BCAP29: variants seen among roughly 807,000 people sequenced by gnomAD.
BCAP29 encodes B-cell receptor-associated protein 29.
BCAP29 carries 34 observed loss-of-function variants against 31.8 expected under a neutral mutation model. That is an observed-to-expected ratio of 1.07 (90% CI 0.81 to 1.42). BCAP29 has a LOEUF of 1.42. Ranked by LOEUF, BCAP29 falls within the 40% of genes most tolerant of loss-of-function variation. The pLI is 0.00. For synonymous variants in BCAP29, 104 were observed against 91.3 expected (o/e 1.14, Z -0.79); for missense variants, 314 against 269.2 (o/e 1.17, Z -1.16).
Position 107,580,786 on chromosome 7 carries a change from G to A in BCAP29, c.14G>A (p.Trp5Ter). The A allele has an allele frequency of 6.3e-7, 1 of 1,598,598 alleles. No homozygotes were observed. Among genetic ancestry groups the A allele is most frequent in the East Asian group, 2.3e-5 (1 of 43,308 alleles). The change falls in exon 2 of 8, where the codon TGG (tryptophan) becomes TAG (stop). Residue 5 changes from tryptophan (W) to a stop codon, truncating the protein, a stop_gained. Coordinates refer to ENST00000005259, the MANE Select transcript of BCAP29 (RefSeq NM_018844.4). LOFTEE classifies it high-confidence loss of function. ...GTGAAGAAAAAAATGACACTCCAAT[G>A]GGCTGCAGTGGCAACCTTTCTTTAT... MTLQ[W>*]AAVATFLYAE... is the part of the protein sequence containing the mutation.
chr7:107,601,013 T>C (rs760863124), intron 6 of BCAP29, among the ~76,000 whole-genome samples: 3 of 152,208 alleles, frequency 2.0e-5, no homozygotes, highest in Non-Finnish European at 4.4e-5. Flanking sequence ...GAGTGCCTCC[T>C]TCCCACATAA....
intron 7 of BCAP29, chr7:107,615,215 G>A (rs543371402): frequency 2.2e-5 from 10 of 456,706 alleles, no homozygotes; most frequent in South Asian, 1.5e-4. Context: ...ATATAACAGT[G>A]AGATTTCCTC....
At chr7:107,607,397 G>A (rs989180201) in intron 6 of BCAP29, among the ~76,000 whole-genome samples, 4 of 152,036 alleles carry the variant, frequency 2.6e-5, no homozygotes, top group African/African-American at 7.2e-5. Flanking sequence ...TTCAGTATGG[G>A]ATATTATCTT....
At chr7:107,588,399 GT>G (rs1248059590) in intron 3 of BCAP29, among the ~76,000 whole-genome samples, 2 of 152,246 alleles carry the variant, frequency 1.3e-5, no homozygotes, top group African/African-American at 2.4e-5. Context: ...TTACTTTTAT[GT>G]TATATGAATT....
chr7:107,612,404 TA>T (rs1563141242), intron 6 of BCAP29, among the ~76,000 whole-genome samples: 13 of 30,696 alleles, frequency 4.2e-4, no homozygotes, highest in African/African-American at 8.9e-4. Flanking sequence ...TATATATATA[TA>T]TATATATATA....
intron 6 of BCAP29, 31 bp downstream of exon 6, chr7:107,600,536 A>G: frequency 1.5e-6 from 2 of 1,322,668 alleles, no homozygotes; most frequent in Non-Finnish European, 2.2e-6. Context: ...AAAAGTAAAA[A>G]GACTAGCATG....
intron 7 of BCAP29, chr7:107,615,368 T>G (rs1375926686): frequency 2.2e-6 from 1 of 455,914 alleles, no homozygotes; most frequent in African/African-American, 2.0e-5. Flanking sequence ...TTTGGAAGGC[T>G]GAGGCGGGCG....
intron 6 of BCAP29, among the ~76,000 whole-genome samples, chr7:107,613,098 C>A (rs1354957212): frequency 6.6e-6 from 1 of 152,052 alleles, no homozygotes; most frequent in Non-Finnish European, 1.5e-5. Flanking sequence ...CTGGGAAATA[C>A]ATTCACAGAA....
chr7:107,594,538 G>C (rs1288367916), intron 4 of BCAP29, among the ~76,000 whole-genome samples: 1 of 151,750 alleles, frequency 6.6e-6, no homozygotes, highest in African/African-American at 2.4e-5. Context: ...GTCTCGCTTT[G>C]TCGCCCAGAC....
rs1455057343 is a variant in BCAP29 at position 107,613,332 on chromosome 7, C to A, written c.590C>A (p.Ala197Asp). ...AATAAAACTATTCGATATTTTCTAG[C>A]CCTTTCTAAGGCACAAAATGATGTG... ...LKTELRKTSD[A>D]LSKAQNDVME... The change falls in exon 7 of 8, where the codon GCC becomes GAC. Residue 197 changes from alanine to aspartate, a missense_variant and splice_region_variant. Ala to Asp is a moderately radical substitution (Grantham distance 126). Coordinates refer to ENST00000005259, the MANE Select transcript of BCAP29 (RefSeq NM_018844.4). The A allele has an allele frequency of 3.1e-6, 5 of 1,596,638 alleles. No individual in the cohort carries two copies. In the Admixed American group the frequency reaches 6.9e-5, roughly 22 times the overall value.
At chr7:107,602,427 G>T (rs1469763101) in intron 6 of BCAP29, among the ~76,000 whole-genome samples, 1 of 152,058 alleles carries the variant, frequency 6.6e-6, no homozygotes, top group East Asian at 1.9e-4. Flanking sequence ...GATGAATTCA[G>T]TGGTACAATG....
chr7:107,605,980 G>T (rs73419498), intron 6 of BCAP29, among the ~76,000 whole-genome samples: 1 of 152,084 alleles, frequency 6.6e-6, no homozygotes, highest in African/African-American at 2.4e-5. Flanking sequence ...TTTCTACAAT[G>T]AATTTCTTTT....
At chr7:107,593,303 A>G (rs528034819) in intron 3 of BCAP29, among the ~76,000 whole-genome samples, 1 of 152,294 alleles carries the variant, frequency 6.6e-6, no homozygotes, top group African/African-American at 2.4e-5. Context: ...AGACCCTTAT[A>G]AGCTGATATC....
rs551843466 is a variant in BCAP29, at chr7:107,618,332, G to A, written c.695G>A (p.Arg232His). 26 of 1,583,138 alleles carry A rather than the reference G, an allele frequency of 1.6e-5. No homozygotes were observed. The highest frequency in any genetic ancestry group is 1.3e-4 in the Admixed American group (7 of 55,540). ...ATCATATTTTTTTCCTTACAGGATC[G>A]TTTAGAAAGAGGCAACAAGAAAAGA... The part of the protein sequence containing the change: ...LLKEHSELQD[R>H]LERGNKKRL The change falls in exon 8 of 8, where the codon CGT (arginine) becomes CAT (histidine). Residue 232 changes from arginine to histidine, a missense_variant. Transcript: ENST00000005259.
chr7:107,580,086 C>T (rs1806287554), upstream of BCAP29: 1 of 152,260 alleles, frequency 6.6e-6, no homozygotes, highest in African/African-American at 2.4e-5. Flanking sequence ...AAGTCTAACT[C>T]ATTCTCTGAC....
chr7:107,609,542 G>A (rs1050435199), intron 6 of BCAP29, among the ~76,000 whole-genome samples: 23 of 152,126 alleles, frequency 1.5e-4, no homozygotes, highest in Admixed American at 9.2e-4. Context: ...ATGGGTGTGA[G>A]GTTAAAAGAG....
intron 3 of BCAP29, chr7:107,587,267 T>C (rs1440062009): frequency 1.3e-5 from 2 of 152,244 alleles, no homozygotes; most frequent in African/African-American, 4.8e-5. Context: ...ATTGACTATA[T>C]GTCACATCCT....
downstream of BCAP29, chr7:107,620,544 G>C (rs1814865118): frequency 6.6e-6 from 1 of 152,094 alleles, no homozygotes; most frequent in South Asian, 2.1e-4. Flanking sequence ...GTCTTAGGCT[G>C]TATTATAAAT....
intron 3 of BCAP29, 82 bp from the exon 4 acceptor site, chr7:107,593,873 G>A: frequency 1.4e-6 from 2 of 1,408,298 alleles, no homozygotes; most frequent in East Asian, 2.3e-5. Context: ...AGTTTGGTCA[G>A]TTTTTCTAAA....
Sources: allele counts gnomAD v4.1 joint callset (sites outside exome capture counted in the v4.1 genomes callset), GRCh38; gene constraint gnomAD v4.1.1; transcripts MANE v1.5; gene names NCBI Gene and HGNC (gene_info 2026-07-23, HGNC 2026-07-21).